The following ARNT2 variants were observed in gnomAD, a reference collection of about 807,000 sequenced individuals.
The protein encoded by ARNT2 is ARNT protein 2.
A neutral mutation model predicts 91.7 loss-of-function variants in ARNT2; 36 were observed. The ratio of observed to expected loss-of-function variants is 0.39; its 90% CI spans 0.30 to 0.52. The LOEUF is 0.52. ARNT2 is among the 20% of genes least tolerant of loss of function. The probability of loss-of-function intolerance (pLI) is 0.72; values close to 1 mark genes in which losing one functional copy is unlikely to be tolerated. For missense variants in ARNT2, 775 were observed against 939.3 expected (o/e 0.83, Z 2.29); for synonymous variants, 365 against 347.1 (o/e 1.05, Z -0.57).
chr15:80,516,853 A>ATATATATC (rs1157966395), intron 8 of ARNT2, among the ~76,000 whole-genome samples: 43 of 139,052 alleles, frequency 3.1e-4, no homozygotes, highest in African/African-American at 1.1e-3. Flanking sequence ...ATATATATAT[A>ATATATATC]TATCCATGTT....
intron 5 of ARNT2, among the ~76,000 whole-genome samples, chr15:80,480,690 G>A (rs186668671): frequency 6.6e-6 from 1 of 152,190 alleles, no homozygotes; most frequent in African/African-American, 2.4e-5. Flanking sequence ...TCAAAATAGA[G>A]CTGTCCAACA....
chr15:80,458,551 C>T (rs547327392), intron 3 of ARNT2, among the ~76,000 whole-genome samples: 9 of 152,220 alleles, frequency 5.9e-5, no homozygotes, highest in African/African-American at 1.4e-4. Context: ...CTGGGCTCTG[C>T]GGGGCCGTCC....
At chr15:80,439,378 C>T (rs1360396271) in intron 1 of ARNT2, among the ~76,000 whole-genome samples, 1 of 152,154 alleles carries the variant, frequency 6.6e-6, no homozygotes, top group Non-Finnish European at 1.5e-5. Context: ...AGGTATTTGA[C>T]TGTTTGTCCT....
In ARNT2 at chr15:80,521,107, A is replaced by C. The variant is rs560270123; in HGVS notation, c.877+6702A>C. Among the ~76,000 whole-genome samples the C allele has an allele frequency of 2.0e-4, 30 of 152,308 alleles. No individual in the cohort carries two copies. In the South Asian group the frequency reaches 6.0e-3, roughly 31 times the overall value. ...TTGAACAGTTGTTGGCCAAAGATTT[A>C]TTTGATAAATCTGATTTTACTGAGA... On this transcript the variant is annotated intron_variant, in intron 8 of 18. Transcript: ENST00000303329.
intron 1 of ARNT2, among the ~76,000 whole-genome samples, chr15:80,450,194 T>C (rs1232615854): frequency 6.6e-6 from 1 of 152,256 alleles, no homozygotes; most frequent in Non-Finnish European, 1.5e-5. Context: ...GGAAAGGTAC[T>C]CTTATTTAGT....
chr15:80,458,037 A>G, intron 3 of ARNT2, 61 bp downstream of exon 3: 1 of 1,537,542 alleles, frequency 6.5e-7, no homozygotes, highest in Admixed American at 1.7e-5. Flanking sequence ...CACCTTAGAA[A>G]GATACAAGAA....
chr15:80,468,594 C>T (rs1896690490), intron 3 of ARNT2, among the ~76,000 whole-genome samples: 1 of 152,172 alleles, frequency 6.6e-6, no homozygotes, highest in South Asian at 2.1e-4. Flanking sequence ...CCCAGTTCCT[C>T]CTCCCTACCC....
At chr15:80,411,413 T>G (rs112707126) in intron 1 of ARNT2, among the ~76,000 whole-genome samples, 9 of 152,326 alleles carry the variant, frequency 5.9e-5, no homozygotes, top group African/African-American at 2.2e-4. Context: ...ATTTTGTATG[T>G]GGCTGCCTTT....
intron 5 of ARNT2, among the ~76,000 whole-genome samples, chr15:80,478,095 A>G (rs1235519541): frequency 1.3e-5 from 2 of 152,204 alleles, no homozygotes; most frequent in South Asian, 2.1e-4. Flanking sequence ...TAGAAATCCT[A>G]AGGGACACAC....
At chr15:80,448,758 C>A (rs192646533) in intron 1 of ARNT2, among the ~76,000 whole-genome samples, 2,511 of 152,134 alleles carry the variant, frequency 0.017, 83 homozygotes, top group East Asian at 0.11. Context: ...CCGAGGTGGG[C>A]AGATCATGAG....
intron 5 of ARNT2, 75 bp from the exon 6 acceptor site, chr15:80,508,081 G>C (rs756509112): frequency 1.1e-5 from 16 of 1,409,010 alleles, no homozygotes; most frequent in Non-Finnish European, 1.5e-5. Context: ...TTTGGAGAAA[G>C]CACTCCCCGA....
intron 1 of ARNT2, among the ~76,000 whole-genome samples, chr15:80,420,450 A>G (rs549118529): frequency 6.6e-6 from 1 of 152,242 alleles, no homozygotes; most frequent in East Asian, 1.9e-4. Flanking sequence ...GAGCATGTTT[A>G]AGGTAGGCTA....
chr15:80,528,019 G>C (rs996975175), intron 8 of ARNT2, among the ~76,000 whole-genome samples: 5 of 152,278 alleles, frequency 3.3e-5, no homozygotes, highest in Admixed American at 3.3e-4. Context: ...GGAGAGGAGG[G>C]ACAGGAATAG....
intron 4 of ARNT2, among the ~76,000 whole-genome samples, chr15:80,472,850 ATCAG>A (rs1467715930): frequency 6.6e-6 from 1 of 152,244 alleles, no homozygotes; most frequent in Non-Finnish European, 1.5e-5. Context: ...GGCTGCTAGA[ATCAG>A]TTTTTTGTCT....
rs117371424 is a variant in ARNT2 at position 80,476,326 on chromosome 15, G to A, written c.622+1103G>A. On this transcript the variant is annotated intron_variant, in intron 5 of 18. Transcript: ENST00000303329. ...AGGTATGTGAATTTTGTGTATTTCC[G>A]TGTGGCCCGGTTCAGCTAGGCACAA... is the stretch of plus-strand genomic sequence containing the variant. 1.8e-4 allele frequency among the ~76,000 whole-genome samples: 27 copies of A among 152,270 alleles called. No individual in the cohort carries two copies. In the East Asian group the frequency reaches 2.5e-3, roughly 14 times the overall value.
In ARNT2 at chr15:80,582,880, C is replaced by T. The variant is rs190117493; in HGVS notation, c.1918+1476C>T. On this transcript the variant is annotated intron_variant, in intron 17 of 18. Transcript: ENST00000303329. ...TAGCATCCACCTTCCTGCAGTCACACGTGAGATCCTTCTCCACATCTGGTT... is the reference window on the plus strand; with the variant it reads ...TAGCATCCACCTTCCTGCAGTCACATGTGAGATCCTTCTCCACATCTGGTT... Among the ~76,000 whole-genome samples, 38 of 152,258 alleles carry T rather than the reference C, an allele frequency of 2.5e-4. 1 individual carries two copies. The East Asian group carries it at 6.0e-3, about 24-fold the overall frequency.
intron 5 of ARNT2, among the ~76,000 whole-genome samples, chr15:80,507,117 A>T (rs1456570687): frequency 1.3e-5 from 2 of 152,134 alleles, no homozygotes; most frequent in African/African-American, 2.4e-5. Context: ...AAGGCCAGAG[A>T]AGATCTTTTG....
intron 4 of ARNT2, among the ~76,000 whole-genome samples, chr15:80,473,952 A>G (rs572401171): frequency 3.3e-5 from 5 of 152,308 alleles, no homozygotes; most frequent in East Asian, 3.9e-4. Flanking sequence ...CTGCTGACCT[A>G]GAAGGATACC....
intron 8 of ARNT2, among the ~76,000 whole-genome samples, chr15:80,532,399 T>A (rs1897754450): frequency 6.6e-6 from 1 of 152,218 alleles, no homozygotes; most frequent in Non-Finnish European, 1.5e-5. Flanking sequence ...AGTTTTGCTA[T>A]TCATTGTACC....
Sources: gnomAD v4.1 joint callset for allele counts (sites outside exome capture counted in the v4.1 genomes callset) on GRCh38, gnomAD v4.1.1 for gene constraint, MANE v1.5 for transcripts, NCBI Gene and HGNC (gene_info 2026-07-23, HGNC 2026-07-21) for gene names.